The following FCHO1 variants were observed in gnomAD, a reference collection of about 807,000 sequenced individuals.
FCHO1 encodes FCH and mu domain containing endocytic adaptor 1, also known as F-BAR domain only protein 1.
A neutral mutation model predicts 114.4 loss-of-function variants in FCHO1; 45 were observed. That is an observed-to-expected ratio of 0.39 (90% CI 0.31 to 0.50). The LOEUF is 0.50. Among genes scored for constraint, FCHO1 ranks in the 20% least tolerant of loss-of-function variants. FCHO1 has a pLI of 0.77. For synonymous variants in FCHO1, 480 were observed against 488.9 expected (o/e 0.98, Z 0.24); for missense variants, 1,042 against 1,209.6 (o/e 0.86, Z 2.06).
Position 17,784,309 on chromosome 19 carries a change from C to G in FCHO1, c.2226+74C>G. On this transcript the variant is annotated intron_variant, in intron 25 of 28. Coordinates refer to ENST00000596536, the MANE Select transcript of FCHO1 (RefSeq NM_015122.3). This position sits in a 1 kb window ranked among gnomAD's most constrained non-coding sequence, Gnocchi z 5.3. ...GGTGAGCCGGCAGCAGACATGGAGG[C>G]GCCTGCGTGTTGGCCAGGCTGGTCT... 1 of 1,516,512 alleles carries G rather than the reference C, an allele frequency of 6.6e-7. No individual in the cohort carries two copies. Among genetic ancestry groups the G allele is most frequent in the African/African-American group, 1.4e-5 (1 of 72,420 alleles). The allele number at this position is 1,516,512 out of a possible 1,614,324, so 93.9% of individuals were successfully genotyped here. A position where few individuals can be genotyped will look rare whatever the true frequency, so the allele number is the denominator to read the frequency against.
rs1157394224 is a variant in FCHO1 at position 17,778,766 on chromosome 19, C to G, written c.1509C>G (p.Pro503=). The change falls in exon 20 of 29, where the codon CCC becomes CCG. Residue 503 remains proline, a synonymous_variant. Transcript: ENST00000596536. ...GCCCAGGCACCCCGCAGAGCCCGCC[C>G]AGCTGTAGGGCGCCACCCCCAGAGG... The part of the protein sequence containing the change: ...VPRPGTPQSP[P]SCRAPPPEAR... 31 of 1,538,866 alleles carry G rather than the reference C, an allele frequency of 2.0e-5. No individual in the cohort carries two copies. The highest frequency in any genetic ancestry group is 2.6e-5 in the Non-Finnish European group (30 of 1,147,752).
At position 17,783,228 on chromosome 19, in the gene FCHO1, C is replaced by T. The variant is rs189639442; in HGVS notation, c.2093+56C>T. 4.2e-4 allele frequency: 648 copies of T among 1,545,990 alleles called. 1 individual carries two copies. The highest frequency in any genetic ancestry group is 9.3e-4 in the Admixed American group (47 of 50,498). On this transcript the variant is annotated intron_variant, in intron 24 of 28. Coordinates refer to ENST00000596536, the MANE Select transcript of FCHO1 (RefSeq NM_015122.3). ...CGGAGGCTGCTGGGGATCAGGCTTC[C>T]GGACTCTGAGTTCCCTCTCTGCTTC...
At position 17,781,542 on chromosome 19, in the gene FCHO1, A is replaced by G. The variant is rs1290590638; in HGVS notation, c.1828+3A>G. On this transcript the variant is annotated splice_donor_region_variant and intron_variant, in intron 22 of 28. Coordinates refer to ENST00000596536, the MANE Select transcript of FCHO1 (RefSeq NM_015122.3). ...CTTCTTATCCCAGACAGGACACGGT[A>G]TGTGAGGGCGGTCCTGGGCCTGGCT... The G allele has an allele frequency of 1.9e-6, 3 of 1,613,732 alleles. No homozygotes were observed. Among genetic ancestry groups the G allele is most frequent in the Admixed American group, 1.7e-5 (1 of 59,994 alleles).
At chr19:17,778,477 T>TG in intron 19 of FCHO1, 132 bp from the exon 20 acceptor site, 1 of 1,048,644 alleles carries the variant, frequency 9.5e-7, no homozygotes, top group Non-Finnish European at 1.3e-6. Flanking sequence ...GGTGTAGCCT[T>TG]GGGGGCGTGC....
In FCHO1 at chr19:17,776,314, A is replaced by G. The variant is rs745815247; in HGVS notation, c.1207+43A>G. 53 of 1,613,192 alleles carry G rather than the reference A, an allele frequency of 3.3e-5. No homozygotes were observed. In the East Asian group the frequency reaches 1.0e-3, roughly 31 times the overall value. ...TTCAGAGTGGGGAGGATCCTAAGGA[A>G]GGGAGGCTATGGGTTTGGGCTTGAA... On this transcript the variant is annotated intron_variant, in intron 17 of 28. Coordinates refer to ENST00000596536, the MANE Select transcript of FCHO1 (RefSeq NM_015122.3). The surrounding 1 kb of genome is among the most constrained non-coding windows in gnomAD (Gnocchi z 4.4).
Position 17,766,769 on chromosome 19 carries a change from G to C in FCHO1, c.295G>C (p.Val99Leu), listed in dbSNP as rs750035566. The change falls in exon 7 of 29, where the codon GTT (valine) becomes CTT (leucine). Residue 99 changes from valine to leucine, a missense_variant. Physicochemically the swap from Val to Leu is conservative, Grantham distance 32. This residue lies in a region of FCHO1 where 450 missense variants were observed against 564.1 expected (regional missense o/e 0.80). Coordinates refer to ENST00000596536, the MANE Select transcript of FCHO1 (RefSeq NM_015122.3). ...TRKLQDLIKD[V>L]LRYGEEQLKT... is the part of the protein sequence containing the mutation. ...GAAGTTACAGGATCTCATCAAGGACGTTCTCCGCTACGGCGAGGAACAGCT... is the reference window on the plus strand; with the variant it reads ...GAAGTTACAGGATCTCATCAAGGACCTTCTCCGCTACGGCGAGGAACAGCT... 1.2e-6 allele frequency: 2 copies of C among 1,614,138 alleles called. No homozygotes were observed. Among genetic ancestry groups the C allele is most frequent in the South Asian group, 1.1e-5 (1 of 91,084 alleles).
Position 17,776,702 on chromosome 19 carries a change from G to A in FCHO1, c.1259+16G>A. The A allele has an allele frequency of 6.2e-7, 1 of 1,613,124 alleles. No homozygotes were observed. Among genetic ancestry groups the A allele is most frequent in the Non-Finnish European group, 8.5e-7 (1 of 1,179,566 alleles). ...GAACCAGCAGGTGGGTTCCACACGA[G>A]TGGGCAGGTGGGGGCTGTCCCCACC... On this transcript the variant is annotated intron_variant, in intron 18 of 28. Transcript: ENST00000596536. This position sits in a 1 kb window ranked among gnomAD's most constrained non-coding sequence, Gnocchi z 4.4.
intron 22 of FCHO1, 57 bp from the exon 23 acceptor site, chr19:17,781,655 G>A: frequency 6.5e-7 from 1 of 1,545,320 alleles, no homozygotes; most frequent in Non-Finnish European, 8.9e-7. Flanking sequence ...CTCGAGCCTG[G>A]AGCCTATATT....
intron 28 of FCHO1, 115 bp downstream of exon 28, chr19:17,787,961 T>C: frequency 7.5e-7 from 1 of 1,337,796 alleles, no homozygotes. Context: ...TAGGTGGGTG[T>C]TGGGGCCAGG....
Position 17,788,347 on chromosome 19 carries a change from G to T in FCHO1, c.*41G>T. On this transcript the variant is annotated 3_prime_UTR_variant, in exon 29 of 29. Coordinates refer to ENST00000596536, the MANE Select transcript of FCHO1 (RefSeq NM_015122.3). ...TGCCCCAGCTCTACACTGCGCCCTG[G>T]TGCTGGCTGACCACCCCCTGCCCTC... The T allele has an allele frequency of 6.3e-7, 1 of 1,577,894 alleles. No individual in the cohort carries two copies. The highest frequency in any genetic ancestry group is 1.1e-5 in the South Asian group (1 of 89,020).
chr19:17,765,816 ATGGGGCTTCTGCTGAG>A (rs1455289564), intron 6 of FCHO1, among the ~76,000 whole-genome samples: 1 of 147,622 alleles, frequency 6.8e-6, no homozygotes, highest in Non-Finnish European at 1.5e-5. Context: ...GGGAGGCTGG[ATGGGGCTTCTGCTGAG>A]TGGGGCAGGC....
At chr19:17,779,840 C>T (rs1457243068) in intron 20 of FCHO1, among the ~76,000 whole-genome samples, 2 of 151,792 alleles carry the variant, frequency 1.3e-5, no homozygotes, top group Admixed American at 6.6e-5. Context: ...CAGGTCAGAG[C>T]ACCCCCTCCT....
intron 27 of FCHO1, among the ~76,000 whole-genome samples, chr19:17,787,428 A>G (rs1446312300): frequency 2.7e-5 from 4 of 150,048 alleles, no homozygotes; most frequent in African/African-American, 4.9e-5. Flanking sequence ...AAAAAAAAAA[A>G]GCTGAAGGAG....
chr19:17,778,175 A>G lies in FCHO1; in HGVS notation c.1298A>G (p.Lys433Arg), dbSNP rs2092892541. The change falls in exon 19 of 29, where the codon AAG becomes AGG. Residue 433 changes from lysine (K) to arginine (R), a missense_variant. By Grantham distance (26) the Lys-to-Arg change is conservative. This residue lies in a region of FCHO1 where 455 missense variants were observed against 455.4 expected (regional missense o/e 1.00). Coordinates refer to ENST00000596536, the MANE Select transcript of FCHO1 (RefSeq NM_015122.3). ...ERLQSEEQVS[K>R]NLFGPPLESA... is the part of the protein sequence containing the mutation. ...TTGCAGTCAGAGGAGCAGGTGTCCA[A>G]GAACCTCTTTGGGCCGCCCCTGGAG... is the stretch of plus-strand genomic sequence containing the variant. The G allele has an allele frequency of 2.5e-6, 4 of 1,613,842 alleles. No homozygotes were observed. Among genetic ancestry groups the G allele is most frequent in the Middle Eastern group, 1.7e-4 (1 of 5,966 alleles).
At chr19:17,755,333 C>A in intron 4 of FCHO1, 142 bp downstream of exon 4, 1 of 788,128 alleles carries the variant, frequency 1.3e-6, no homozygotes, top group Non-Finnish European at 2.1e-6. Context: ...TGGGAAGAGT[C>A]AGGCTGGGTT....
intron 7 of FCHO1, 81 bp from the exon 8 acceptor site, chr19:17,770,344 C>A: frequency 7.2e-7 from 1 of 1,388,202 alleles, no homozygotes; most frequent in Non-Finnish European, 9.7e-7. Flanking sequence ...TAGAAAAAGA[C>A]TGTGGAGCTG....
In FCHO1 at chr19:17,770,874, A is replaced by G. The variant is rs2091298685; in HGVS notation, c.572A>G (p.Gln191Arg). The change falls in exon 9 of 29, where the codon CAG becomes CGG. Residue 191 changes from glutamine (Q) to arginine (R), a missense_variant. Transcript: ENST00000596536. ...KYNSARADFE[Q>R]KMLDSALRFQ... Reference sequence around the variant, plus strand: ...AACTCAGCCCGAGCTGACTTTGAGCAGAAGATGCTGGACTCAGCCCTGGTA... The same window carrying G: ...AACTCAGCCCGAGCTGACTTTGAGCGGAAGATGCTGGACTCAGCCCTGGTA... The G allele has an allele frequency of 6.2e-7, 1 of 1,614,120 alleles. No homozygotes were observed. Among genetic ancestry groups the G allele is most frequent in the South Asian group, 1.1e-5 (1 of 91,086 alleles).
At chr19:17,748,310 G>A (rs2146038717), upstream of FCHO1, among the ~76,000 whole-genome samples, 1 of 152,280 alleles carries the variant, frequency 6.6e-6, no homozygotes, top group Non-Finnish European at 1.5e-5. Flanking sequence ...GGTGGCTGGA[G>A]GAGCTGGGGT....
rs751828652 is a variant in FCHO1 at position 17,784,973 on chromosome 19, C to A, written c.2426+49C>A. The stretch of plus-strand genomic sequence containing the variant: ...GAAAACTCAGCAGTTTCCCCCATAA[C>A]CCCAGACCTTCTCCCTGATGCATTG... On this transcript the variant is annotated intron_variant, in intron 26 of 28. Coordinates refer to ENST00000596536, the MANE Select transcript of FCHO1 (RefSeq NM_015122.3). The surrounding 1 kb of genome is among the most constrained non-coding windows in gnomAD (Gnocchi z 5.3). 3 of 1,569,224 alleles carry A rather than the reference C, an allele frequency of 1.9e-6. No individual in the cohort carries two copies. Among genetic ancestry groups the A allele is most frequent in the South Asian group, 1.1e-5 (1 of 90,288 alleles).
Sources: gnomAD v4.1 joint callset for allele counts (sites outside exome capture counted in the v4.1 genomes callset) on GRCh38, gnomAD v4.1.1 for gene constraint, gnomAD v4.1.1 regional missense constraint, Gnocchi (gnomAD v3.1) non-coding constraint, MANE v1.5 for transcripts, NCBI Gene and HGNC (gene_info 2026-07-23, HGNC 2026-07-21) for gene names.